The following MLXIPL variants were observed in gnomAD, a reference collection of about 807,000 sequenced individuals.
MLXIPL encodes the protein MLX interacting protein like, also known as carbohydrate-responsive element-binding protein.
A neutral mutation model predicts 81.5 loss-of-function variants in MLXIPL; 49 were observed. The ratio of observed to expected loss-of-function variants is 0.60; its 90% CI spans 0.48 to 0.76. MLXIPL has a LOEUF of 0.76. MLXIPL is among the 30% of genes least tolerant of loss of function. The pLI is 0.00. For missense variants in MLXIPL, 1,053 were observed against 1,167.0 expected (o/e 0.90, Z 1.42); for synonymous variants, 466 against 485.5 (o/e 0.96, Z 0.53).
chr7:73,607,307 C>T, intron 4 of MLXIPL, 24 bp downstream of exon 4: 2 of 1,549,620 alleles, frequency 1.3e-6, no homozygotes, highest in East Asian at 2.4e-5. Flanking sequence ...AGCTCTGGGG[C>T]CTCCCTGGCC....
At chr7:73,601,190 T>G (rs1794793730) in intron 7 of MLXIPL, among the ~76,000 whole-genome samples, 1 of 151,100 alleles carries the variant, frequency 6.6e-6, no homozygotes, top group African/African-American at 2.4e-5. Flanking sequence ...TGTGTGTGTG[T>G]GTGTGTGTGT....
rs1222403548 is a variant in MLXIPL, at chr7:73,605,713, G to T, written c.876C>A (p.Ser292Arg). ...IQPDLTPLQPSLDDFMDISDF... is the reference protein window; with the variant it reads ...IQPDLTPLQPRLDDFMDISDF... The stretch of plus-strand genomic sequence containing the variant: ...CTGAGATGTCCATGAAGTCATCCAG[G>T]CTTGGCTGCAGTGGCGTCAGGTCCG... Residue 292 changes from serine to arginine, a missense_variant, in exon 7 of 17, where the codon AGC becomes AGA. Ser to Arg is a moderately radical substitution (Grantham distance 110, BLOSUM62 -1). Around this residue, in one of 3 missense-constraint regions of MLXIPL, gnomAD observed 823 missense variants for 933.0 expected, o/e 0.88. Coordinates refer to ENST00000313375, the MANE Select transcript of MLXIPL (RefSeq NM_032951.3). 6.2e-7 allele frequency: 1 copy of T among 1,613,644 alleles called. No individual in the cohort carries two copies. The highest frequency in any genetic ancestry group is 1.3e-5 in the African/African-American group (1 of 74,918).
intron 7 of MLXIPL, among the ~76,000 whole-genome samples, chr7:73,602,207 TTCTC>T (rs1416804168): frequency 2.4e-5 from 3 of 125,998 alleles, no homozygotes; most frequent in African/African-American, 6.5e-5. Context: ...CTCTCTCTCT[TTCTC>T]TCTTTCTTTC....
At position 73,595,661 on chromosome 7, in the gene MLXIPL, C is replaced by T. The variant is rs370481859; in HGVS notation, c.2286G>A (p.Thr762=). The T allele has an allele frequency of 2.6e-5, 42 of 1,614,050 alleles. No individual in the cohort carries two copies. The highest frequency in any genetic ancestry group is 6.7e-5 in the East Asian group (3 of 44,892). The change falls in exon 15 of 17, where the codon ACG becomes ACA. Residue 762 remains threonine (T), a synonymous_variant. Transcript: ENST00000313375. ...CCACCCAGAACTTCCAGTTGTGCAG[C>T]GTACGGGTTCGGACGTAGTCATCAA... ...DMFDDYVRTR[T]LHNWKFWVFS... is the part of the protein sequence containing the mutation.
intron 5 of MLXIPL, chr7:73,606,730 C>T (rs1554598269): frequency 1.9e-6 from 1 of 529,990 alleles, no homozygotes; most frequent in Non-Finnish European, 3.4e-6. Flanking sequence ...CCGGCCTGGT[C>T]CCTCTGTTCT....
Position 73,605,893 on chromosome 7 carries a change from C to G in MLXIPL, c.820+17G>C, listed in dbSNP as rs781803574. 1 of 1,573,530 alleles carries G rather than the reference C, an allele frequency of 6.4e-7. No individual in the cohort carries two copies. The highest frequency in any genetic ancestry group is 1.2e-5 in the South Asian group (1 of 86,234). On this transcript the variant is annotated intron_variant, in intron 6 of 16. Coordinates refer to ENST00000313375, the MANE Select transcript of MLXIPL (RefSeq NM_032951.3). ...CAGGCCTTCACCCCTCTCCCCTGCC[C>G]TTTCTCAGACCCTCACCATCCTCAG...
intron 2 of MLXIPL, among the ~76,000 whole-genome samples, chr7:73,608,247 T>G (rs782248736): frequency 6.6e-6 from 1 of 152,090 alleles, no homozygotes; most frequent in Non-Finnish European, 1.5e-5. Context: ...CAAAGACTGC[T>G]GAATGGATTG....
rs377179780 is a variant in MLXIPL, at chr7:73,596,731, G to A, written c.1730C>T (p.Pro577Leu). 3.4e-4 allele frequency: 548 copies of A among 1,593,890 alleles called. 6 individuals carry two copies. The highest frequency in any genetic ancestry group is 3.2e-3 in the South Asian group (282 of 88,492). ...TFLPPTPAPT[P>L]PRPPPGPATL... ...GGCCGGGCCTGGAGGTGGCCGGGGCGGTGTAGGGGCCGGGGTCGGGGGAAG... is the reference window on the plus strand; with the variant it reads ...GGCCGGGCCTGGAGGTGGCCGGGGCAGTGTAGGGGCCGGGGTCGGGGGAAG... Residue 577 changes from proline to leucine, a missense_variant, in exon 11 of 17, where the codon CCG becomes CTG. This residue lies in a region of MLXIPL where 823 missense variants were observed against 933.0 expected (regional missense o/e 0.88). Coordinates refer to ENST00000313375, the MANE Select transcript of MLXIPL (RefSeq NM_032951.3). This position sits in a 1 kb window ranked among gnomAD's most constrained non-coding sequence, Gnocchi z 4.7.
chr7:73,613,134 G>A (rs552808168), intron 2 of MLXIPL, among the ~76,000 whole-genome samples: 6 of 152,282 alleles, frequency 3.9e-5, no homozygotes, highest in South Asian at 2.1e-4. Flanking sequence ...CATTAGTGGC[G>A]TCAAGCCAAG....
chr7:73,636,284 C>A, the MLXIPL span, among the ~76,000 whole-genome samples: 12 of 151,852 alleles, frequency 7.9e-5, no homozygotes, highest in Non-Finnish European at 1.6e-4. Flanking sequence ...GTGGTTTATG[C>A]CTGTAGTCCC....
At position 73,623,789 on chromosome 7, in the gene MLXIPL, A is replaced by G. The variant is rs1186261202; in HGVS notation, c.293+411T>C. Among the ~76,000 whole-genome samples the G allele has an allele frequency of 6.6e-6, 1 of 151,566 alleles. No individual in the cohort carries two copies. The highest frequency in any genetic ancestry group is 2.0e-4 in the East Asian group (1 of 5,116). ...TGCTGGGGAGAAGGCCGAGGCCTGC[A>G]GGGGGTCGGGTGGAGTGGCTCCAGA... On this transcript the variant is annotated intron_variant, in intron 1 of 16. Transcript: ENST00000313375. The surrounding 1 kb of genome is among the most constrained non-coding windows in gnomAD (Gnocchi z 5.7).
intron 2 of MLXIPL, among the ~76,000 whole-genome samples, chr7:73,612,495 A>G (rs1554599921): frequency 6.6e-6 from 1 of 152,014 alleles, no homozygotes; most frequent in Non-Finnish European, 1.5e-5. Flanking sequence ...ACAAAAAATT[A>G]GCCGGGCGTG....
chr7:73,607,733 G>A (rs187498026), intron 2 of MLXIPL, 61 bp from the exon 3 acceptor site: 1 of 1,462,406 alleles, frequency 6.8e-7, no homozygotes, highest in East Asian at 2.3e-5. Context: ...TCACCCCAGG[G>A]GACTGGGACT....
At chr7:73,607,544 G>C (rs1795391496) in intron 3 of MLXIPL, 46 bp downstream of exon 3, 2 of 1,597,784 alleles carry the variant, frequency 1.3e-6, no homozygotes, top group Non-Finnish European at 1.7e-6. Flanking sequence ...TGGTCTTGGT[G>C]GGTGGGCAGG....
intron 7 of MLXIPL, among the ~76,000 whole-genome samples, chr7:73,602,938 G>A (rs1554596801): frequency 6.6e-6 from 1 of 152,170 alleles, no homozygotes; most frequent in Non-Finnish European, 1.5e-5. Flanking sequence ...TACCATCGTT[G>A]CCCAGGCCTG....
At chr7:73,617,361 G>A (rs1796067385) in intron 1 of MLXIPL, among the ~76,000 whole-genome samples, 1 of 152,056 alleles carries the variant, frequency 6.6e-6, no homozygotes, top group Non-Finnish European at 1.5e-5. Context: ...TGCCTTCATG[G>A]TACAGTCCTT....
chr7:73,608,914 C>T (rs1288268717), intron 2 of MLXIPL, among the ~76,000 whole-genome samples: 2 of 152,230 alleles, frequency 1.3e-5, no homozygotes, highest in East Asian at 1.9e-4. Context: ...GAAGCCTTGA[C>T]CTCCTGGGCT....
intron 2 of MLXIPL, among the ~76,000 whole-genome samples, chr7:73,607,881 G>A (rs77048596): frequency 0.24 from 32,132 of 135,808 alleles, 4,120 homozygotes; most frequent in African/African-American, 0.29. Flanking sequence ...TTGGAGATAG[G>A]GTTTCACTCT....
chr7:73,596,215 T>C lies in MLXIPL; in HGVS notation c.1996A>G (p.Lys666Glu). ...CCATGAAGGGTGTCAAACCCCAGCT[T>C]GATGTTGAAGCGCCGCTTCTGCTCC... ...SAEQKRRFNIKLGFDTLHGLV... is the reference protein window; with the variant it reads ...SAEQKRRFNIELGFDTLHGLV... The change falls in exon 13 of 17, where the codon AAG (lysine) becomes GAG (glutamate). Residue 666 changes from lysine to glutamate, a missense_variant. This residue lies in a region of MLXIPL where 823 missense variants were observed against 933.0 expected (regional missense o/e 0.88). Coordinates refer to ENST00000313375, the MANE Select transcript of MLXIPL (RefSeq NM_032951.3). The surrounding 1 kb of genome is among the most constrained non-coding windows in gnomAD (Gnocchi z 4.7). The C allele has an allele frequency of 6.2e-7, 1 of 1,613,002 alleles. No individual in the cohort carries two copies. Among genetic ancestry groups the C allele is most frequent in the Non-Finnish European group, 8.5e-7 (1 of 1,179,876 alleles).
Sources: gnomAD v4.1 joint callset for allele counts (sites outside exome capture counted in the v4.1 genomes callset) on GRCh38, gnomAD v4.1.1 for gene constraint, gnomAD v4.1.1 regional missense constraint, Gnocchi (gnomAD v3.1) non-coding constraint, MANE v1.5 for transcripts, NCBI Gene and HGNC (gene_info 2026-07-23, HGNC 2026-07-21) for gene names.